The following L3MBTL3 variants were observed in gnomAD, a reference collection of about 807,000 sequenced individuals.
L3MBTL3 encodes lethal(3)malignant brain tumor-like protein 3.
L3MBTL3 carries 27 observed loss-of-function variants against 102.3 expected under a neutral mutation model. That is an observed-to-expected ratio of 0.26 (90% CI 0.19 to 0.36). The LOEUF is 0.36. Among genes scored for constraint, L3MBTL3 ranks in the 10% least tolerant of loss-of-function variants. The pLI is 1.00. For synonymous variants in L3MBTL3, 340 were observed against 320.9 expected (o/e 1.06, Z -0.64); for missense variants, 798 against 955.3 (o/e 0.84, Z 2.17).
intron 20 of L3MBTL3, among the ~76,000 whole-genome samples, chr6:130,124,340 A>G (rs1050821996): frequency 1.3e-5 from 2 of 152,166 alleles, no homozygotes; most frequent in Non-Finnish European, 2.9e-5. Context: ...CAGATTCACT[A>G]TATTCAGCCA....
At chr6:130,046,549 G>T (rs1301500610) in intron 3 of L3MBTL3, among the ~76,000 whole-genome samples, 2 of 152,200 alleles carry the variant, frequency 1.3e-5, no homozygotes, top group Non-Finnish European at 2.9e-5. Context: ...AACAAAACAT[G>T]TGCAGTCCCT....
chr6:130,032,140 C>A (rs1361145159), intron 2 of L3MBTL3, among the ~76,000 whole-genome samples: 1 of 152,130 alleles, frequency 6.6e-6, no homozygotes. Flanking sequence ...TCTTGAACTC[C>A]TGGCCTCAGG....
Position 130,055,245 on chromosome 6 carries a change from A to G in L3MBTL3, c.657A>G (p.Val219=). The change falls in exon 8 of 23, where the codon GTA becomes GTG. Residue 219 remains valine (V), a synonymous_variant. Coordinates refer to ENST00000361794, the MANE Select transcript of L3MBTL3 (RefSeq NM_032438.4). ...ARRKRRGDSA[V]LKQGLPPKGK... is the part of the protein sequence containing the mutation. ...GGAAAAGACGAGGGGATTCGGCTGT[A>G]CTAAAGCAGGGTGAGCTGATGAAAA... 2.5e-6 allele frequency: 4 copies of G among 1,612,624 alleles called. No individual in the cohort carries two copies. The highest frequency in any genetic ancestry group is 3.4e-6 in the Non-Finnish European group (4 of 1,179,132).
intron 2 of L3MBTL3, among the ~76,000 whole-genome samples, chr6:130,040,755 C>T (rs7759281): frequency 0.023 from 3,504 of 152,260 alleles, 107 homozygotes; most frequent in African/African-American, 0.07. Context: ...AAAGGCATTC[C>T]GTTAAAAACC....
At chr6:130,041,011 C>G (rs1187252205) in intron 2 of L3MBTL3, among the ~76,000 whole-genome samples, 1 of 152,194 alleles carries the variant, frequency 6.6e-6, no homozygotes, top group African/African-American at 2.4e-5. Flanking sequence ...TTTGCACTAT[C>G]AGTGCAAATG....
intron 22 of L3MBTL3, 120 bp downstream of exon 22, chr6:130,134,025 CA>C (rs1387426862): frequency 2.7e-6 from 2 of 736,946 alleles, no homozygotes; most frequent in African/African-American, 3.5e-5. Flanking sequence ...TTGAAATTGA[CA>C]AATTGATGTA....
intron 20 of L3MBTL3, among the ~76,000 whole-genome samples, chr6:130,127,569 G>A (rs542711257): frequency 6.6e-6 from 1 of 152,236 alleles, no homozygotes; most frequent in South Asian, 2.1e-4. Context: ...AATAGAGGCA[G>A]GCCTTTATCA....
At chr6:130,046,855 G>T (rs1187466147) in intron 3 of L3MBTL3, among the ~76,000 whole-genome samples, 1 of 152,168 alleles carries the variant, frequency 6.6e-6, no homozygotes, top group Non-Finnish European at 1.5e-5. Flanking sequence ...GGAAAACATA[G>T]TGTTAGGAAA....
intron 20 of L3MBTL3, among the ~76,000 whole-genome samples, chr6:130,125,900 G>A (rs961676754): frequency 1.3e-5 from 2 of 151,992 alleles, no homozygotes; most frequent in Non-Finnish European, 1.5e-5. Context: ...TAAAAGACAC[G>A]CATGCACACA....
intron 12 of L3MBTL3, 108 bp downstream of exon 12, chr6:130,068,529 G>T: frequency 1.7e-6 from 1 of 601,822 alleles, no homozygotes; most frequent in South Asian, 2.3e-5. Context: ...TTATCGCCTT[G>T]GTAAATAGAG....
chr6:130,035,107 A>G (rs1202245780), intron 2 of L3MBTL3, among the ~76,000 whole-genome samples: 3 of 152,224 alleles, frequency 2.0e-5, no homozygotes, highest in Admixed American at 6.5e-5. Context: ...TGTAATATAC[A>G]CTTTTAAATA....
chr6:130,131,377 A>G (rs997505408), intron 20 of L3MBTL3, among the ~76,000 whole-genome samples: 12 of 152,246 alleles, frequency 7.9e-5, no homozygotes, highest in East Asian at 3.8e-4. Flanking sequence ...TGGAACTGTC[A>G]TATGCTGTTG....
At chr6:130,138,736 T>C (rs1787976925) in intron 22 of L3MBTL3, among the ~76,000 whole-genome samples, 1 of 151,720 alleles carries the variant, frequency 6.6e-6, no homozygotes, top group African/African-American at 2.4e-5. Context: ...GTGTTTTACT[T>C]TTTGTACAAG....
rs1192069049 is a variant in L3MBTL3, at chr6:130,140,223, T to C, written c.*470T>C. On this transcript the variant is annotated 3_prime_UTR_variant, in exon 23 of 23. Coordinates refer to ENST00000361794, the MANE Select transcript of L3MBTL3 (RefSeq NM_032438.4). ...CTAAGTTTAGCCAGTAGGACTGTTATCTGTATTGTTAATTTTGTGCCATAT... is the reference window on the plus strand; with the variant it reads ...CTAAGTTTAGCCAGTAGGACTGTTACCTGTATTGTTAATTTTGTGCCATAT... 1.3e-5 allele frequency: 2 copies of C among 155,398 alleles called. No homozygotes were observed. The highest frequency in any genetic ancestry group is 1.9e-4 in the East Asian group (1 of 5,248). The allele number at this position is 155,398 out of a possible 1,614,324, so 9.6% of individuals were successfully genotyped here. A position where few individuals can be genotyped will look rare whatever the true frequency, so the allele number is the denominator to read the frequency against.
rs377163862 is a variant in L3MBTL3, at chr6:130,058,354, C to T, written c.759+857C>T. Among the ~76,000 whole-genome samples, 54 of 151,832 alleles carry T rather than the reference C, an allele frequency of 3.6e-4. No individual in the cohort carries two copies. The South Asian group carries it at 8.9e-3, about 25-fold the overall frequency. Reference sequence around the variant, plus strand: ...CCTGGACTAAACCAAGAGTTGGGGTCCGGGTGTGGTGGCACATGCCTGCCT... The same window carrying T: ...CCTGGACTAAACCAAGAGTTGGGGTTCGGGTGTGGTGGCACATGCCTGCCT... On this transcript the variant is annotated intron_variant, in intron 9 of 22. Coordinates refer to ENST00000361794, the MANE Select transcript of L3MBTL3 (RefSeq NM_032438.4).
chr6:130,140,616 G>C lies in L3MBTL3; in HGVS notation c.*863G>C, dbSNP rs1405301537. On this transcript the variant is annotated 3_prime_UTR_variant, in exon 23 of 23. Transcript: ENST00000361794. Reference sequence around the variant, plus strand: ...ATGGTTGGGGGGAATGTTTGTGAGGGTCTTGAACTATTTATGAGATGATCT... The same window carrying C: ...ATGGTTGGGGGGAATGTTTGTGAGGCTCTTGAACTATTTATGAGATGATCT... The C allele has an allele frequency of 6.6e-6, 1 of 152,126 alleles. No individual in the cohort carries two copies. Among genetic ancestry groups the C allele is most frequent in the Non-Finnish European group, 1.5e-5 (1 of 68,030 alleles). 9.4% of individuals were successfully genotyped at this position (152,126 alleles called of 1,614,324 possible). A position where few individuals can be genotyped will look rare whatever the true frequency, so the allele number is the denominator to read the frequency against.
chr6:130,044,046 C>T (rs545347188), intron 3 of L3MBTL3, among the ~76,000 whole-genome samples: 26 of 152,078 alleles, frequency 1.7e-4, no homozygotes, highest in Non-Finnish European at 2.8e-4. Flanking sequence ...GTTTTGCTTG[C>T]GCTGACATTC....
intron 2 of L3MBTL3, among the ~76,000 whole-genome samples, chr6:130,031,765 T>C (rs1016261560): frequency 2.0e-5 from 3 of 152,154 alleles, no homozygotes. Flanking sequence ...ACTTCAGATG[T>C]GTTGCTTTAT....
chr6:130,065,086 T>TG (rs1782161225), intron 10 of L3MBTL3, among the ~76,000 whole-genome samples: 1 of 152,074 alleles, frequency 6.6e-6, no homozygotes, highest in Non-Finnish European at 1.5e-5. Context: ...CTGTTCTCTC[T>TG]GGGGGGAGTC....
Sources: gnomAD v4.1 joint callset for allele counts (sites outside exome capture counted in the v4.1 genomes callset) on GRCh38, gnomAD v4.1.1 for gene constraint, MANE v1.5 for transcripts, NCBI Gene and HGNC (gene_info 2026-07-23, HGNC 2026-07-21) for gene names.